PDE1C: variants seen among roughly 807,000 people sequenced by gnomAD.
The protein encoded by PDE1C is phosphodiesterase 1C, also known as dual specificity calcium/calmodulin-dependent 3',5'-cyclic nucleotide phosphodiesterase 1C.
Under a neutral mutation model 93.1 loss-of-function variants are expected in PDE1C, and 62 were observed. That is an observed-to-expected ratio of 0.67 (90% CI 0.54 to 0.82). The LOEUF (loss-of-function observed/expected upper bound fraction) is 0.82, where lower values mean the gene tolerates loss of function less well. PDE1C is among the 40% of genes least tolerant of loss of function. The pLI, the probability that PDE1C is intolerant of heterozygous loss-of-function variation, is 0.00. For missense variants in PDE1C, 742 were observed against 884.6 expected (o/e 0.84, Z 2.04); for synonymous variants, 325 against 310.1 (o/e 1.05, Z -0.50).
At chr7:31,711,676 C>G in the PDE1C span, among the ~76,000 whole-genome samples, 1 of 152,104 alleles carries the variant, frequency 6.6e-6, no homozygotes, top group East Asian at 1.9e-4. Flanking sequence ...AAAATTTAAT[C>G]ATTATTCTCA....
the PDE1C span, among the ~76,000 whole-genome samples, chr7:31,724,538 G>A: frequency 1.6e-4 from 24 of 152,114 alleles, no homozygotes; most frequent in African/African-American, 5.8e-4. Flanking sequence ...ATGGGGGAAG[G>A]GCATTGATCG....
At chr7:31,729,652 T>A in the PDE1C span, among the ~76,000 whole-genome samples, 1 of 152,156 alleles carries the variant, frequency 6.6e-6, no homozygotes, top group African/African-American at 2.4e-5. Flanking sequence ...TGATTCACAC[T>A]GAGAATGTTG....
intron 1 of PDE1C, among the ~76,000 whole-genome samples, chr7:32,062,491 G>A (rs1400984000): frequency 1.3e-5 from 2 of 152,140 alleles, no homozygotes; most frequent in African/African-American, 2.4e-5. Flanking sequence ...AACATCCCAG[G>A]CCTTAAATGC....
At chr7:32,266,159 G>C (rs1810558318) in intron 1 of PDE1C, among the ~76,000 whole-genome samples, 1 of 152,066 alleles carries the variant, frequency 6.6e-6, no homozygotes. Context: ...GCAGGTGCCT[G>C]TAGTCTCAGC....
intron 8 of PDE1C, among the ~76,000 whole-genome samples, chr7:31,849,762 A>G (rs1793094320): frequency 1.3e-5 from 2 of 152,118 alleles, no homozygotes; most frequent in South Asian, 4.1e-4. Context: ...TTTGATTACT[A>G]TGTCAAGGAT....
chr7:31,926,728 A>G (rs1380151159), intron 2 of PDE1C, among the ~76,000 whole-genome samples: 2 of 152,124 alleles, frequency 1.3e-5, no homozygotes, highest in African/African-American at 4.8e-5. Flanking sequence ...GCTGCTAGGG[A>G]CTGTGCTGTG....
At chr7:31,815,818 G>A in intron 15 of PDE1C, 106 bp downstream of exon 15, 1 of 831,018 alleles carries the variant, frequency 1.2e-6, no homozygotes, top group Non-Finnish European at 2.0e-6. Flanking sequence ...GAGCAGGGAA[G>A]CCTTGCCCTG....
At chr7:31,659,182 C>T in the PDE1C span, among the ~76,000 whole-genome samples, 23 of 152,216 alleles carry the variant, frequency 1.5e-4, no homozygotes, top group East Asian at 4.4e-3. Flanking sequence ...TCACTTGTTT[C>T]TACTTTGGAT....
chr7:31,902,028 G>GAT (rs988036588), intron 2 of PDE1C, among the ~76,000 whole-genome samples: 5 of 151,014 alleles, frequency 3.3e-5, no homozygotes, highest in Admixed American at 6.6e-5. Context: ...ATAAATGTAA[G>GAT]ATATATATTG....
rs1368817810 is a variant in PDE1C, at chr7:31,837,894, T to C, written c.1058A>G (p.Lys353Arg). 6.2e-7 allele frequency: 1 copy of C among 1,613,454 alleles called. No individual in the cohort carries two copies. The highest frequency in any genetic ancestry group is 8.5e-7 in the Non-Finnish European group (1 of 1,179,488). ...CGCTTCTGGCTGCTGCAGAGCAGTC[T>C]TCATTGCTTTGATTTGTTGGAAGTG... ...SCHFQQIKAMKTALQQPEAIE... is the reference protein window; with the variant it reads ...SCHFQQIKAMRTALQQPEAIE... The change falls in exon 10 of 18, where the codon AAG becomes AGG. Residue 353 changes from lysine to arginine, a missense_variant. Physicochemically the swap from Lys to Arg is conservative, Grantham distance 26. Transcript: ENST00000396191.
intron 3 of PDE1C, among the ~76,000 whole-genome samples, chr7:32,154,360 A>C (rs917614381): frequency 6.6e-6 from 1 of 152,188 alleles, no homozygotes; most frequent in African/African-American, 2.4e-5. Flanking sequence ...TTTTATTTAA[A>C]TGATTATAGA....
intron 1 of PDE1C, among the ~76,000 whole-genome samples, chr7:32,362,645 A>T (rs1784156996): frequency 1.3e-5 from 2 of 152,146 alleles, no homozygotes; most frequent in African/African-American, 2.4e-5. Context: ...ACAGCAGGGC[A>T]GTAATCACCT....
intron 2 of PDE1C, among the ~76,000 whole-genome samples, chr7:31,917,601 C>T (rs941383144): frequency 6.6e-6 from 1 of 151,650 alleles, no homozygotes; most frequent in African/African-American, 2.4e-5. Flanking sequence ...CTTATAGCAA[C>T]TGAATGAAAA....
At chr7:32,395,877 A>G (rs1784832088) in intron 1 of PDE1C, among the ~76,000 whole-genome samples, 1 of 151,952 alleles carries the variant, frequency 6.6e-6, no homozygotes. Context: ...TAAAAAAAAT[A>G]TTTTACTTTC....
At chr7:31,818,352 T>C (rs1006904740) in intron 14 of PDE1C, among the ~76,000 whole-genome samples, 2 of 152,176 alleles carry the variant, frequency 1.3e-5, no homozygotes, top group Admixed American at 1.3e-4. Flanking sequence ...TTCCCTGGAA[T>C]GTTCACTCAG....
intron 1 of PDE1C, among the ~76,000 whole-genome samples, chr7:32,257,185 T>C (rs898656663): frequency 2.6e-5 from 4 of 152,090 alleles, no homozygotes; most frequent in Non-Finnish European, 4.4e-5. Flanking sequence ...GATGAACAAG[T>C]AAATATAAGA....
At chr7:32,045,373 T>G (rs1792407425) in intron 2 of PDE1C, among the ~76,000 whole-genome samples, 1 of 152,138 alleles carries the variant, frequency 6.6e-6, no homozygotes, top group Non-Finnish European at 1.5e-5. Flanking sequence ...GTGGCAATCT[T>G]GGAATGTAAA....
intron 1 of PDE1C, among the ~76,000 whole-genome samples, chr7:32,355,805 T>C (rs1348972061): frequency 1.3e-5 from 2 of 152,218 alleles, no homozygotes; most frequent in African/African-American, 4.8e-5. Context: ...AAATGGCGAC[T>C]GAATGAAAAA....
chr7:31,965,105 G>A (rs187101525), intron 2 of PDE1C, among the ~76,000 whole-genome samples: 1,877 of 152,318 alleles, frequency 0.012, 17 homozygotes, highest in Non-Finnish European at 0.021. Context: ...AATGCTGGAC[G>A]GAGAATGACT....
Sources: gnomAD v4.1 joint callset for allele counts (sites outside exome capture counted in the v4.1 genomes callset) on GRCh38, gnomAD v4.1.1 for gene constraint, MANE v1.5 for transcripts, NCBI Gene and HGNC (gene_info 2026-07-23, HGNC 2026-07-21) for gene names.